The following CDC42BPA variants were observed in gnomAD, a reference collection of about 807,000 sequenced individuals.
CDC42BPA encodes the protein CDC42 binding protein kinase alpha, also known as serine/threonine-protein kinase MRCK alpha.
CDC42BPA carries 80 observed loss-of-function variants against 223.5 expected under a neutral mutation model. That is an observed-to-expected ratio of 0.36 (90% CI 0.30 to 0.43). The LOEUF (loss-of-function observed/expected upper bound fraction) is 0.43, where lower values mean the gene tolerates loss of function less well. Ranked by LOEUF, CDC42BPA falls within the 20% of genes least tolerant of loss-of-function variation. The pLI is 1.00. For synonymous variants in CDC42BPA, 694 were observed against 718.6 expected (o/e 0.97, Z 0.55); for missense variants, 1,743 against 2,099.9 (o/e 0.83, Z 3.32).
At chr1:227,013,737 T>A (rs1397165454) in intron 34 of CDC42BPA, among the ~76,000 whole-genome samples, 2 of 152,012 alleles carry the variant, frequency 1.3e-5, no homozygotes, top group East Asian at 3.9e-4. Flanking sequence ...GTGTAAAAAA[T>A]TTAAATTTTA....
At chr1:227,043,795 G>A (rs902886227) in intron 23 of CDC42BPA, among the ~76,000 whole-genome samples, 1 of 151,946 alleles carries the variant, frequency 6.6e-6, no homozygotes, top group Non-Finnish European at 1.5e-5. Flanking sequence ...ACTCCCTACT[G>A]CCATAAAAAA....
In CDC42BPA at chr1:227,033,951, TTTTCTTGCCAATA is replaced by T. The variant is rs373256580; in HGVS notation, c.3477-549_3477-537del. On this transcript the variant is annotated intron_variant, in intron 26 of 36. Coordinates refer to ENST00000366766, the MANE Select transcript of CDC42BPA (RefSeq NM_001394014.1). Reference sequence around the variant, plus strand: ...AGTCCCTTAGTAGGTTCTATCAGATTTTTCTTGCCAATATTTCTTGCATCTATCCTGTCATGTT... The same window carrying T: ...AGTCCCTTAGTAGGTTCTATCAGATTTTTCTTGCATCTATCCTGTCATGTT... Among the ~76,000 whole-genome samples, 753 of 152,320 alleles carry T rather than the reference TTTTCTTGCCAATA, an allele frequency of 4.9e-3. 5 individuals are homozygous for T. Among genetic ancestry groups the T allele is most frequent in the African/African-American group, 0.017 (704 of 41,560 alleles).
intron 9 of CDC42BPA, among the ~76,000 whole-genome samples, chr1:227,141,428 C>A (rs1252543102): frequency 6.6e-6 from 1 of 152,098 alleles, no homozygotes; most frequent in East Asian, 1.9e-4. Context: ...GACATGAAAG[C>A]AAAACATGCA....
chr1:227,110,498 G>A (rs1686737936), intron 14 of CDC42BPA, among the ~76,000 whole-genome samples: 1 of 152,172 alleles, frequency 6.6e-6, no homozygotes, highest in African/African-American at 2.4e-5. Context: ...GATAAATCAT[G>A]TGAATGAAAG....
chr1:227,133,237 C>T (rs1407201242), intron 10 of CDC42BPA, among the ~76,000 whole-genome samples: 1 of 151,536 alleles, frequency 6.6e-6, no homozygotes, highest in Non-Finnish European at 1.5e-5. Flanking sequence ...CCCGCCCGGC[C>T]AGCTGCCCCG....
At chr1:227,313,042 C>T (rs1386834734) in intron 1 of CDC42BPA, among the ~76,000 whole-genome samples, 2 of 151,848 alleles carry the variant, frequency 1.3e-5, no homozygotes, top group South Asian at 2.1e-4. Flanking sequence ...TATAGCAATG[C>T]GAGAACAGAC....
At position 226,996,664 on chromosome 1, in the gene CDC42BPA, G is replaced by C. The variant is rs187928590; in HGVS notation, c.4976-1684C>G. ...CAATACCTAGTTTATTGAGTTTTTAGTATAAAGGTGTTGAATTTTATCAAA... is the reference window on the plus strand; with the variant it reads ...CAATACCTAGTTTATTGAGTTTTTACTATAAAGGTGTTGAATTTTATCAAA... On this transcript the variant is annotated intron_variant, in intron 35 of 36. Coordinates refer to ENST00000366766, the MANE Select transcript of CDC42BPA (RefSeq NM_001394014.1). 1.1e-4 allele frequency among the ~76,000 whole-genome samples: 17 copies of C among 152,264 alleles called. No homozygotes were observed. The East Asian group carries it at 1.5e-3, about 14-fold the overall frequency.
chr1:227,231,033 C>T (rs910568806), intron 2 of CDC42BPA, among the ~76,000 whole-genome samples: 2 of 151,794 alleles, frequency 1.3e-5, no homozygotes, highest in African/African-American at 4.8e-5. Flanking sequence ...ATGTGCACAA[C>T]GTGCAGGTTT....
At chr1:227,198,473 A>G (rs1314262435) in intron 4 of CDC42BPA, among the ~76,000 whole-genome samples, 1 of 133,864 alleles carries the variant, frequency 7.5e-6, no homozygotes, top group Non-Finnish European at 1.6e-5. Flanking sequence ...AAAGAAAGAA[A>G]GAAAAAAAAT....
At chr1:227,244,601 G>A (rs1418948312) in intron 2 of CDC42BPA, among the ~76,000 whole-genome samples, 2 of 152,172 alleles carry the variant, frequency 1.3e-5, no homozygotes, top group Non-Finnish European at 1.5e-5. Context: ...GCTATGGCCA[G>A]GGGTGAAGCA....
chr1:227,099,020 T>C (rs1307819855), intron 15 of CDC42BPA, among the ~76,000 whole-genome samples: 1 of 152,110 alleles, frequency 6.6e-6, no homozygotes, highest in Non-Finnish European at 1.5e-5. Flanking sequence ...AAAATTCCTA[T>C]TACCTGTGAT....
In CDC42BPA at chr1:227,004,830, A is replaced by G. The variant is rs1217377575; in HGVS notation, c.4975+164T>C. On this transcript the variant is annotated intron_variant, in intron 35 of 36. Transcript: ENST00000366766. ...CTGGGACTATTTTCTTAACAACTGC[A>G]TTTGTGCCTATTAGGCATTACCCAG... 6 of 745,638 alleles carry G rather than the reference A, an allele frequency of 8.0e-6. No homozygotes were observed. The African/African-American group carries it at 1.0e-4, about 13-fold the overall frequency. 46.2% of individuals were successfully genotyped at this position (745,638 alleles called of 1,614,324 possible). A position where few individuals can be genotyped will look rare whatever the true frequency, so the allele number is the denominator to read the frequency against.
rs1299490812 is a variant in CDC42BPA at position 227,021,213 on chromosome 1, G to A, written c.4615+2050C>T. Among the ~76,000 whole-genome samples, 7 of 152,070 alleles carry A rather than the reference G, an allele frequency of 4.6e-5. 1 individual carries two copies. Among genetic ancestry groups the A allele is most frequent in the South Asian group, 2.1e-4 (1 of 4,818 alleles). ...TGAAACAGAGACATGAAGTCAACAC[G>A]CGCTGTTGGGAAAATGGCACTGAGA... On this transcript the variant is annotated intron_variant, in intron 32 of 36. Transcript: ENST00000366766.
intron 29 of CDC42BPA, among the ~76,000 whole-genome samples, chr1:227,029,860 C>T (rs1347110751): frequency 2.6e-5 from 4 of 151,974 alleles, no homozygotes; most frequent in East Asian, 3.9e-4. Flanking sequence ...CTGGGCTGGG[C>T]GCAGTGGCTC....
chr1:227,060,030 GTTTTTTTT>G (rs66527313), intron 21 of CDC42BPA, among the ~76,000 whole-genome samples: 7 of 117,690 alleles, frequency 5.9e-5, no homozygotes, highest in East Asian at 2.6e-4. Flanking sequence ...GTTTTTTTTT[GTTTTTTTT>G]TTTTTTTTTT....
chr1:227,058,693 T>C (rs1675111696), intron 21 of CDC42BPA, among the ~76,000 whole-genome samples: 1 of 152,168 alleles, frequency 6.6e-6, no homozygotes, highest in South Asian at 2.1e-4. Flanking sequence ...TCATTTCAAG[T>C]TGAGAAACAC....
Position 227,138,649 on chromosome 1 carries a change from A to T in CDC42BPA, c.1390+927T>A, listed in dbSNP as rs545245720. Among the ~76,000 whole-genome samples, 17 of 152,198 alleles carry T rather than the reference A, an allele frequency of 1.1e-4. No individual in the cohort carries two copies. The East Asian group carries it at 1.5e-3, about 14-fold the overall frequency. ...TTTACAACACAGGATAGGGAAATAG[A>T]CTAGGGGAAATAGCATGAAGAGCTG... On this transcript the variant is annotated intron_variant, in intron 10 of 36. Transcript: ENST00000366766.
intron 5 of CDC42BPA, among the ~76,000 whole-genome samples, chr1:227,174,205 A>G (rs1666571894): frequency 6.6e-6 from 1 of 152,154 alleles, no homozygotes; most frequent in African/African-American, 2.4e-5. Flanking sequence ...ATATAACATT[A>G]CCTATTCTTT....
intron 2 of CDC42BPA, among the ~76,000 whole-genome samples, chr1:227,247,305 C>G (rs1681155025): frequency 6.6e-6 from 1 of 151,948 alleles, no homozygotes; most frequent in Admixed American, 6.6e-5. Context: ...GCCTGGCCAA[C>G]ATGGTGAAAC....
Sources: gnomAD v4.1 joint callset for allele counts (sites outside exome capture counted in the v4.1 genomes callset) on GRCh38, gnomAD v4.1.1 for gene constraint, MANE v1.5 for transcripts, NCBI Gene and HGNC (gene_info 2026-07-23, HGNC 2026-07-21) for gene names.